Variants in CASP8 observed in about 807,000 individuals in gnomAD.
CASP8 encodes the protein caspase-8.
In CASP8, 24 loss-of-function variants were observed where a neutral mutation model predicts 46.3. The ratio of observed to expected loss-of-function variants is 0.52; its 90% CI spans 0.38 to 0.73. The LOEUF is 0.73. Among genes scored for constraint, CASP8 ranks in the 30% least tolerant of loss-of-function variants. CASP8 has a pLI of 0.00. For synonymous variants in CASP8, 188 were observed against 200.4 expected (o/e 0.94, Z 0.52); for missense variants, 460 against 559.0 (o/e 0.82, Z 1.79).
At chr2:201,250,018 T>A (rs186627154) in intron 2 of CASP8, among the ~76,000 whole-genome samples, 16 of 152,318 alleles carry the variant, frequency 1.1e-4, no homozygotes, top group Admixed American at 2.0e-4. Flanking sequence ...AAATGAAGAC[T>A]CCAAGAAGCA....
chr2:201,286,783 T>C lies in CASP8; in HGVS notation c.*189T>C, dbSNP rs1949584249. ...GGGGCCCGCCACCACACCTGGCTAA[T>C]TTTTTAAAAATATTTTTAGTAGAGA... On this transcript the variant is annotated 3_prime_UTR_variant, in exon 9 of 9. Transcript: ENST00000673742. The C allele has an allele frequency of 2.0e-6, 1 of 505,942 alleles. No homozygotes were observed. The highest frequency in any genetic ancestry group is 2.0e-5 in the African/African-American group (1 of 51,150). The allele number at this position is 505,942 out of a possible 1,614,324, so 31.3% of individuals were successfully genotyped here. A position where few individuals can be genotyped will look rare whatever the true frequency, so the allele number is the denominator to read the frequency against.
chr2:201,268,473 C>G (rs942977992), intron 2 of CASP8, among the ~76,000 whole-genome samples: 15 of 152,030 alleles, frequency 9.9e-5, no homozygotes, highest in African/African-American at 2.7e-4. Flanking sequence ...ATTGCTTGAA[C>G]CCAGGAGGTG....
At chr2:201,264,432 T>TACCTGGGGTCTTGCC (rs1559347515) in intron 1 of CASP8, among the ~76,000 whole-genome samples, 1 of 151,928 alleles carries the variant, frequency 6.6e-6, no homozygotes, top group Non-Finnish European at 1.5e-5. Context: ...GGGGTCTTGC[T>TACCTGGGGTCTTGCC]ACCTGGGGTC....
At chr2:201,261,064 T>A (rs1483867201) in intron 1 of CASP8, among the ~76,000 whole-genome samples, 1 of 152,006 alleles carries the variant, frequency 6.6e-6, no homozygotes, top group African/African-American at 2.4e-5. Context: ...AACACACCCA[T>A]GTGGTCCTAC....
intron 6 of CASP8, among the ~76,000 whole-genome samples, chr2:201,276,294 G>A (rs1948625825): frequency 6.6e-6 from 1 of 152,182 alleles, no homozygotes; most frequent in Non-Finnish European, 1.5e-5. Context: ...CCTGAGAGCT[G>A]GGTTAAGCCA....
intron 2 of CASP8, among the ~76,000 whole-genome samples, chr2:201,267,384 C>A (rs3754934): frequency 0.11 from 16,584 of 152,058 alleles, 1,452 homozygotes; most frequent in South Asian, 0.28. Context: ...CTTAAAGACT[C>A]GAATGACTAA....
Position 201,272,719 on chromosome 2 carries a change from G to T in CASP8, c.493G>T (p.Ala165Ser), listed in dbSNP as rs1345369392. ...GTTGGACATCCTGAAAAGAGTCTGT[G>T]CCCAAATCAACAAGAGCCTGCTGAA... is the stretch of plus-strand genomic sequence containing the variant. Reference protein sequence around the residue: ...GKLDILKRVCAQINKSLLKII... With the variant: ...GKLDILKRVCSQINKSLLKII... Residue 165 changes from alanine (A) to serine (S), a missense_variant, in exon 4 of 9, where the codon GCC becomes TCC. Physicochemically the swap from Ala to Ser is moderately conservative, Grantham distance 99. Coordinates refer to ENST00000673742, the MANE Select transcript of CASP8 (RefSeq NM_001372051.1). This position sits in a 1 kb window ranked among gnomAD's most constrained non-coding sequence, Gnocchi z 4.4. 7.4e-6 allele frequency: 12 copies of T among 1,614,158 alleles called. No homozygotes were observed. The highest frequency in any genetic ancestry group is 1.0e-5 in the Non-Finnish European group (12 of 1,180,014).
chr2:201,234,573 C>G (rs1346048127), intron 2 of CASP8, among the ~76,000 whole-genome samples: 1 of 151,938 alleles, frequency 6.6e-6, no homozygotes, highest in African/African-American at 2.4e-5. Flanking sequence ...TCTCAGCCTC[C>G]TGAGTAGCTG....
intron 2 of CASP8, among the ~76,000 whole-genome samples, chr2:201,254,504 C>G (rs534591170): frequency 6.6e-6 from 1 of 152,116 alleles, no homozygotes; most frequent in Non-Finnish European, 1.5e-5. Context: ...GGAGCGGCCC[C>G]GTTGAATCCA....
intron 7 of CASP8, among the ~76,000 whole-genome samples, chr2:201,282,827 C>T (rs1388814624): frequency 2.2e-5 from 2 of 90,874 alleles, no homozygotes; most frequent in Non-Finnish European, 5.4e-5. Flanking sequence ...GGCTGACCCC[C>T]CCACCTCCCT....
chr2:201,259,273 A>G (rs974991551), upstream of CASP8, among the ~76,000 whole-genome samples: 5 of 152,164 alleles, frequency 3.3e-5, no homozygotes, highest in Non-Finnish European at 7.4e-5. Context: ...CCTGGGATCA[A>G]GCAATTTTCC....
rs999574783 is a variant in CASP8 at position 201,287,524 on chromosome 2, T to C, written c.*930T>C. 7 of 154,752 alleles carry C rather than the reference T, an allele frequency of 4.5e-5. No homozygotes were observed. Among genetic ancestry groups the C allele is most frequent in the African/African-American group, 1.7e-4 (7 of 41,470 alleles). 9.6% of individuals were successfully genotyped at this position (154,752 alleles called of 1,614,324 possible). A position where few individuals can be genotyped will look rare whatever the true frequency, so the allele number is the denominator to read the frequency against. ...ATGCCTTCTTATTGCTTTTATGATA[T>C]ATATATGCTTGGCTAACTATATTTG... On this transcript the variant is annotated 3_prime_UTR_variant, in exon 9 of 9. Coordinates refer to ENST00000673742, the MANE Select transcript of CASP8 (RefSeq NM_001372051.1).
chr2:201,259,977 G>GTT (rs546171439), upstream of CASP8, among the ~76,000 whole-genome samples: 38 of 136,438 alleles, frequency 2.8e-4, 1 homozygote, highest in South Asian at 8.4e-3. Context: ...TCTTTTTAGA[G>GTT]TTTTTTTTTT....
At chr2:201,281,227 T>C (rs1054777677) in intron 7 of CASP8, among the ~76,000 whole-genome samples, 4 of 152,060 alleles carry the variant, frequency 2.6e-5, no homozygotes, top group East Asian at 1.9e-4. Flanking sequence ...GGCAGGAGAA[T>C]TGCTTGAACT....
chr2:201,234,135 A>T (rs771705168), intron 2 of CASP8: 1 of 152,398 alleles, frequency 6.6e-6, no homozygotes, highest in Non-Finnish European at 1.5e-5. Context: ...TTTCCAGAGG[A>T]GGTTTGGGGG....
At chr2:201,239,925 C>T (rs1946233237) in intron 2 of CASP8, among the ~76,000 whole-genome samples, 1 of 152,172 alleles carries the variant, frequency 6.6e-6, no homozygotes, top group Non-Finnish European at 1.5e-5. Flanking sequence ...CCCTTCTATC[C>T]AATACCAGCA....
chr2:201,271,543 A>G lies in CASP8; in HGVS notation c.333A>G (p.Glu111=). Residue 111 remains glutamate (E), a synonymous_variant, in exon 3 of 9, where the codon GAA becomes GAG. Coordinates refer to ENST00000673742, the MANE Select transcript of CASP8 (RefSeq NM_001372051.1). The part of the protein sequence containing the change: ...YRVMLYQISE[E]VSRSELRSFK... ...TCATGCTCTATCAGATTTCAGAAGA[A>G]GTGAGCAGATCAGAATTGAGGTCTT... The G allele has an allele frequency of 6.2e-7, 1 of 1,608,352 alleles. No homozygotes were observed. The highest frequency in any genetic ancestry group is 8.5e-7 in the Non-Finnish European group (1 of 1,174,698).
At chr2:201,286,353 A>T in intron 8 of CASP8, 106 bp from the exon 9 acceptor site, 1 of 1,396,890 alleles carries the variant, frequency 7.2e-7, no homozygotes, top group Admixed American at 1.7e-5. Context: ...AATGACTGAT[A>T]TTTTGAGAGA....
intron 7 of CASP8, among the ~76,000 whole-genome samples, chr2:201,278,548 T>TG (rs1002643557): frequency 1.4e-4 from 21 of 152,044 alleles, no homozygotes; most frequent in African/African-American, 4.1e-4. Flanking sequence ...TTCTTTTTTT[T>TG]TTTTTTGAGG....
Sources: allele counts gnomAD v4.1 joint callset (sites outside exome capture counted in the v4.1 genomes callset), GRCh38; gene constraint gnomAD v4.1.1; non-coding constraint Gnocchi (gnomAD v3.1); transcripts MANE v1.5; gene names NCBI Gene and HGNC (gene_info 2026-07-23, HGNC 2026-07-21).